Variants in CACNA2D2 observed in about 807,000 individuals in gnomAD.
CACNA2D2 encodes the protein calcium voltage-gated channel auxiliary subunit alpha2delta 2.
In CACNA2D2, 48 loss-of-function variants were observed where a neutral mutation model predicts 166.4. The observed-to-expected ratio is 0.29, with a 90% CI of 0.23 to 0.37. CACNA2D2 has a LOEUF of 0.37. Ranked by LOEUF, CACNA2D2 falls within the 10% of genes least tolerant of loss-of-function variation. The pLI, the probability that CACNA2D2 is intolerant of heterozygous loss-of-function variation, is 1.00. For synonymous variants in CACNA2D2, 561 were observed against 573.7 expected, an observed-to-expected ratio of 0.98 and a Z score of 0.32; for missense variants, 1,122 against 1,433.0, an observed-to-expected ratio of 0.78 and a Z score of 3.50.
chr3:50,443,892 G>A (rs913170163), intron 2 of CACNA2D2, among the ~76,000 whole-genome samples: 3 of 152,196 alleles, frequency 2.0e-5, no homozygotes, highest in African/African-American at 7.2e-5. Context: ...TGGGCCAGGG[G>A]GGACTCCCAA....
chr3:50,420,183 T>G (rs1203439925), intron 3 of CACNA2D2, among the ~76,000 whole-genome samples: 2 of 151,594 alleles, frequency 1.3e-5, no homozygotes, highest in African/African-American at 2.4e-5. Context: ...CCCGAGGGAG[T>G]CGCAGTAAGA....
At chr3:50,499,458 T>C (rs968677711) in intron 1 of CACNA2D2, among the ~76,000 whole-genome samples, 60 of 152,190 alleles carry the variant, frequency 3.9e-4, no homozygotes, top group Admixed American at 3.9e-3. Context: ...CTCCCGTTAA[T>C]TCTCACCACC....
chr3:50,453,836 C>T (rs1709219806), intron 2 of CACNA2D2, among the ~76,000 whole-genome samples: 1 of 152,126 alleles, frequency 6.6e-6, no homozygotes, highest in South Asian at 2.1e-4. Flanking sequence ...ATGGTGAGGG[C>T]CACGGCTGGG....
chr3:50,482,157 G>A (rs923758141), intron 1 of CACNA2D2, among the ~76,000 whole-genome samples: 11 of 152,164 alleles, frequency 7.2e-5, no homozygotes, highest in African/African-American at 1.7e-4. Context: ...TGGAGAAGGC[G>A]TGCTTCCCCC....
At chr3:50,470,359 G>A (rs1710014394) in intron 2 of CACNA2D2, among the ~76,000 whole-genome samples, 1 of 152,168 alleles carries the variant, frequency 6.6e-6, no homozygotes, top group Non-Finnish European at 1.5e-5. Flanking sequence ...CCAGGTGGCT[G>A]GTGCCACAGA....
chr3:50,491,707 G>T (rs904358061), intron 1 of CACNA2D2, among the ~76,000 whole-genome samples: 13 of 152,236 alleles, frequency 8.5e-5, no homozygotes, highest in Admixed American at 2.0e-4. Flanking sequence ...CGGATCAGGG[G>T]AGGACTATCA....
Position 50,380,007 on chromosome 3 carries a change from C to G in CACNA2D2, c.854G>C (p.Gly285Ala). 6.2e-7 allele frequency: 1 copy of G among 1,614,054 alleles called. No homozygotes were observed. The highest frequency in any genetic ancestry group is 8.5e-7 in the Non-Finnish European group (1 of 1,180,034). Residue 285 changes from glycine (G) to alanine (A), a missense_variant, in exon 9 of 38, where the codon GGG becomes GCG. Transcript: ENST00000424201. This position sits in a 1 kb window ranked among gnomAD's most constrained non-coding sequence, Gnocchi z 4.9. ...DVRRRPWYIQ[G>A]ASSPKDMVII... is the part of the protein sequence containing the mutation. ...GACCATGTCTTTGGGTGACGAGGCC[C>G]CCTGGATATACCTGCCCAGGAGATG... is the stretch of plus-strand genomic sequence containing the variant.
In CACNA2D2 at chr3:50,379,307, G is replaced by T. The variant is rs1705173572; in HGVS notation, c.1153-108C>A. 1.8e-5 allele frequency: 26 copies of T among 1,445,722 alleles called. No homozygotes were observed. Among genetic ancestry groups the T allele is most frequent in the Non-Finnish European group, 2.3e-5 (24 of 1,039,858 alleles). The allele number at this position is 1,445,722 out of a possible 1,614,324, so 89.6% of individuals were successfully genotyped here. A position where few individuals can be genotyped will look rare whatever the true frequency, so the allele number is the denominator to read the frequency against. Reference sequence around the variant, plus strand: ...CCTCTGGCCCTCCTCCCCCACAGCAGATGGAGCTATCTGTCCAAGCTGCCT... The same window carrying T: ...CCTCTGGCCCTCCTCCCCCACAGCATATGGAGCTATCTGTCCAAGCTGCCT... On this transcript the variant is annotated intron_variant, in intron 11 of 37. Transcript: ENST00000424201. This position sits in a 1 kb window ranked among gnomAD's most constrained non-coding sequence, Gnocchi z 6.5.
chr3:50,447,602 C>T (rs186490469), intron 2 of CACNA2D2, among the ~76,000 whole-genome samples: 54 of 152,286 alleles, frequency 3.5e-4, no homozygotes, highest in Admixed American at 1.0e-3. Context: ...GACCCCTCAA[C>T]AGAGGCTCAC....
At chr3:50,485,059 A>G (rs1385645056) in intron 1 of CACNA2D2, among the ~76,000 whole-genome samples, 1 of 152,224 alleles carries the variant, frequency 6.6e-6, no homozygotes, top group Non-Finnish European at 1.5e-5. Flanking sequence ...GCTTCCGTGC[A>G]TAATTCATGG....
Position 50,394,137 on chromosome 3 carries a change from T to A in CACNA2D2, c.437A>T (p.Lys146Ile), listed in dbSNP as rs543280850. Residue 146 changes from lysine (K) to isoleucine (I), a missense_variant, in exon 4 of 38, where the codon AAA (lysine) becomes ATA (isoleucine). Lys to Ile is a moderately radical substitution (Grantham distance 102). Around this residue, in one of 2 missense-constraint regions of CACNA2D2, gnomAD observed 840 missense variants for 1,166.8 expected, o/e 0.72. Coordinates refer to ENST00000424201, the MANE Select transcript of CACNA2D2 (RefSeq NM_006030.4). ...GATGTTGTCCTGCCAGCGGTGTGCTTTCTGGAAGTTCTCTGCAGCATCAGC... is the reference window on the plus strand; with the variant it reads ...GATGTTGTCCTGCCAGCGGTGTGCTATCTGGAAGTTCTCTGCAGCATCAGC... ...RLADAAENFQKAHRWQDNIKE... is the reference protein window; with the variant it reads ...RLADAAENFQIAHRWQDNIKE... 1 of 1,614,076 alleles carries A rather than the reference T, an allele frequency of 6.2e-7. No homozygotes were observed. The highest frequency in any genetic ancestry group is 2.2e-5 in the East Asian group (1 of 44,870).
intron 2 of CACNA2D2, among the ~76,000 whole-genome samples, chr3:50,475,836 AC>A (rs1468176730): frequency 1.3e-5 from 2 of 151,924 alleles, no homozygotes; most frequent in Non-Finnish European, 2.9e-5. Flanking sequence ...TCAGACACAG[AC>A]CTCTCCCTCC....
At chr3:50,429,230 C>T (rs1270152238) in intron 3 of CACNA2D2, among the ~76,000 whole-genome samples, 1 of 151,848 alleles carries the variant, frequency 6.6e-6, no homozygotes, top group African/African-American at 2.4e-5. Flanking sequence ...ACTCTGTCTC[C>T]TAAATAAATA....
intron 1 of CACNA2D2, among the ~76,000 whole-genome samples, chr3:50,502,326 C>T (rs1301629685): frequency 6.6e-6 from 1 of 152,226 alleles, no homozygotes; most frequent in Non-Finnish European, 1.5e-5. Context: ...GGTCTGGGCA[C>T]TGACATAGGG....
intron 1 of CACNA2D2, among the ~76,000 whole-genome samples, chr3:50,491,280 G>T (rs958692335): frequency 4.6e-5 from 7 of 152,222 alleles, no homozygotes; most frequent in Non-Finnish European, 7.3e-5. Context: ...TTCTATGGAG[G>T]GTGCTGAGAA....
At chr3:50,467,789 C>A (rs982415489) in intron 2 of CACNA2D2, among the ~76,000 whole-genome samples, 5 of 152,150 alleles carry the variant, frequency 3.3e-5, no homozygotes, top group Non-Finnish European at 1.5e-5. Context: ...CTGTCAGGTC[C>A]CAAGGCTGGG....
chr3:50,422,326 A>G (rs1707610510), intron 3 of CACNA2D2, among the ~76,000 whole-genome samples: 1 of 152,058 alleles, frequency 6.6e-6, no homozygotes, highest in South Asian at 2.1e-4. Flanking sequence ...ATTCTGCCAG[A>G]TCTTCCACTC....
chr3:50,401,848 G>A (rs1038254293), intron 3 of CACNA2D2, among the ~76,000 whole-genome samples: 3 of 152,040 alleles, frequency 2.0e-5, no homozygotes, highest in South Asian at 2.1e-4. Context: ...AGCTACAGGC[G>A]CCCACCACCA....
intron 2 of CACNA2D2, among the ~76,000 whole-genome samples, chr3:50,462,569 C>T (rs966801399): frequency 6.6e-6 from 1 of 152,052 alleles, no homozygotes; most frequent in African/African-American, 2.4e-5. Context: ...AACAGTGAGC[C>T]TCACCATATC....
Sources: gnomAD v4.1 joint callset for allele counts (sites outside exome capture counted in the v4.1 genomes callset) on GRCh38, gnomAD v4.1.1 for gene constraint, gnomAD v4.1.1 regional missense constraint, Gnocchi (gnomAD v3.1) non-coding constraint, MANE v1.5 for transcripts, NCBI Gene and HGNC (gene_info 2026-07-23, HGNC 2026-07-21) for gene names.